The following SFSWAP variants were observed in gnomAD, a reference collection of about 807,000 sequenced individuals.
The protein encoded by SFSWAP is splicing factor SWAP.
A neutral mutation model predicts 100.7 loss-of-function variants in SFSWAP; 17 were observed. The observed-to-expected ratio is 0.17, with a 90% CI of 0.12 to 0.25. The LOEUF is 0.25. Ranked by LOEUF, SFSWAP falls within the 10% of genes least tolerant of loss-of-function variation. The probability of loss-of-function intolerance (pLI) is 1.00; values close to 1 mark genes in which losing one functional copy is unlikely to be tolerated. For synonymous variants in SFSWAP, 504 were observed against 510.1 expected (o/e 0.99, Z 0.16); for missense variants, 1,005 against 1,262.6 (o/e 0.80, Z 3.09).
At chr12:131,728,671 C>T (rs1879218959) in intron 7 of SFSWAP, among the ~76,000 whole-genome samples, 1 of 151,312 alleles carries the variant, frequency 6.6e-6, no homozygotes. Flanking sequence ...GGAGGACCGG[C>T]AAAGGTAGCT....
At position 131,799,544 on chromosome 12, in the gene SFSWAP, C is replaced by A. The variant is rs1055787516; in HGVS notation, c.*56C>A. 1.0e-5 allele frequency: 15 copies of A among 1,494,536 alleles called. No individual in the cohort carries two copies. The highest frequency in any genetic ancestry group is 9.2e-6 in the Non-Finnish European group (10 of 1,082,982). The allele number at this position is 1,494,536 out of a possible 1,614,324, so 92.6% of individuals were successfully genotyped here. A position where few individuals can be genotyped will look rare whatever the true frequency, so the allele number is the denominator to read the frequency against. Reference sequence around the variant, plus strand: ...CTGCGTGGGCTTCTGGGCAGGCTCACGCAGACGCCGGCCACACCATCCACC... The same window carrying A: ...CTGCGTGGGCTTCTGGGCAGGCTCAAGCAGACGCCGGCCACACCATCCACC... On this transcript the variant is annotated 3_prime_UTR_variant, in exon 18 of 18. Coordinates refer to ENST00000261674, the MANE Select transcript of SFSWAP (RefSeq NM_004592.4).
At position 131,711,116 on chromosome 12, in the gene SFSWAP, G is replaced by T; in HGVS notation, c.-114G>T. The T allele has an allele frequency of 3.6e-6, 3 of 825,650 alleles. No individual in the cohort carries two copies. The highest frequency in any genetic ancestry group is 1.8e-5 in the South Asian group (1 of 55,108). The allele number at this position is 825,650 out of a possible 1,614,324, so 51.1% of individuals were successfully genotyped here. ...TTTTGTGGCCCGCTATGGCGGCGGTGTTGAGGTTGGGTACGGGATGCGGGG... is the reference window on the plus strand; with the variant it reads ...TTTTGTGGCCCGCTATGGCGGCGGTTTTGAGGTTGGGTACGGGATGCGGGG... On this transcript the variant is annotated 5_prime_UTR_variant, in exon 1 of 18. Transcript: ENST00000261674. This position sits in a 1 kb window ranked among gnomAD's most constrained non-coding sequence, Gnocchi z 4.9.
chr12:131,746,845 C>G (rs1284776687), intron 7 of SFSWAP, among the ~76,000 whole-genome samples: 1 of 152,188 alleles, frequency 6.6e-6, no homozygotes, highest in Admixed American at 6.5e-5. Flanking sequence ...TGGCTCACGC[C>G]TATAATCCCA....
intron 15 of SFSWAP, among the ~76,000 whole-genome samples, chr12:131,793,248 A>T (rs898199077): frequency 1.3e-5 from 2 of 151,276 alleles, no homozygotes. Context: ...TGCCCAGCTA[A>T]TTTTTTTTTA....
intron 7 of SFSWAP, among the ~76,000 whole-genome samples, chr12:131,746,381 C>T (rs1881103629): frequency 6.6e-6 from 1 of 152,160 alleles, no homozygotes; most frequent in South Asian, 2.1e-4. Context: ...CTTTTGATGC[C>T]TCATTTGCTG....
intron 7 of SFSWAP, among the ~76,000 whole-genome samples, chr12:131,738,301 A>C (rs1880235085): frequency 6.6e-6 from 1 of 152,228 alleles, no homozygotes; most frequent in Non-Finnish European, 1.5e-5. Flanking sequence ...GAAAGCAAAA[A>C]TGTTACCCAG....
intron 11 of SFSWAP, among the ~76,000 whole-genome samples, chr12:131,759,411 A>T (rs563939522): frequency 3.9e-5 from 6 of 152,324 alleles, no homozygotes; most frequent in African/African-American, 1.4e-4. Flanking sequence ...ATTAAGAAGG[A>T]TGGAAAAGTA....
Position 131,711,136 on chromosome 12 carries a change from G to T in SFSWAP, c.-94G>T. 1.9e-6 allele frequency: 2 copies of T among 1,027,110 alleles called. No homozygotes were observed. Among genetic ancestry groups the T allele is most frequent in the Non-Finnish European group, 2.8e-6 (2 of 723,440 alleles). 63.6% of individuals were successfully genotyped at this position (1,027,110 alleles called of 1,614,324 possible). A position where few individuals can be genotyped will look rare whatever the true frequency, so the allele number is the denominator to read the frequency against. Reference sequence around the variant, plus strand: ...GCGGTGTTGAGGTTGGGTACGGGATGCGGGGTCTTTGACTGAAGGGGTAGG... The same window carrying T: ...GCGGTGTTGAGGTTGGGTACGGGATTCGGGGTCTTTGACTGAAGGGGTAGG... On this transcript the variant is annotated 5_prime_UTR_variant, in exon 1 of 18. An upstream start codon of the reference 5' UTR is lost. Transcript: ENST00000261674. This position sits in a 1 kb window ranked among gnomAD's most constrained non-coding sequence, Gnocchi z 4.9.
chr12:131,711,976 A>G lies in SFSWAP; in HGVS notation c.218+529A>G, dbSNP rs1279059574. 6.5e-6 allele frequency: 1 copy of G among 153,472 alleles called. No individual in the cohort carries two copies. Among genetic ancestry groups the G allele is most frequent in the African/African-American group, 2.4e-5 (1 of 41,432 alleles). The allele number at this position is 153,472 out of a possible 1,614,324, so 9.5% of individuals were successfully genotyped here. ...GTTAGCCTTAACCTGTTATGCCCCC[A>G]GAGCCCTCAGTGGAGCGCCCGTACT... On this transcript the variant is annotated intron_variant, in intron 1 of 17. Coordinates refer to ENST00000261674, the MANE Select transcript of SFSWAP (RefSeq NM_004592.4). The surrounding 1 kb of genome is among the most constrained non-coding windows in gnomAD (Gnocchi z 4.9).
At chr12:131,716,699 C>G (rs1456278247) in intron 3 of SFSWAP, among the ~76,000 whole-genome samples, 1 of 152,204 alleles carries the variant, frequency 6.6e-6, no homozygotes, top group Non-Finnish European at 1.5e-5. Context: ...GCCACTTTCG[C>G]ACTTCAGCAA....
rs12578498 is a variant in SFSWAP at position 131,753,217 on chromosome 12, C to T, written c.1176C>T (p.Tyr392=). The part of the protein sequence containing the change: ...PPPPGIDVTT[Y]YSTLPAGVTV... The stretch of plus-strand genomic sequence containing the variant: ...CTCCCGGAATCGACGTGACTACTTA[C>T]TACAGCACCCTTCCTGCTGGCGTGA... Residue 392 remains tyrosine (Y), a synonymous_variant, in exon 8 of 18, where the codon TAC becomes TAT. Coordinates refer to ENST00000261674, the MANE Select transcript of SFSWAP (RefSeq NM_004592.4). 61 of 1,614,100 alleles carry T rather than the reference C, an allele frequency of 3.8e-5. No individual in the cohort carries two copies. Among genetic ancestry groups the T allele is most frequent in the Non-Finnish European group, 1.9e-5 (22 of 1,180,036 alleles).
intron 7 of SFSWAP, among the ~76,000 whole-genome samples, chr12:131,745,731 T>C (rs1185387513): frequency 6.7e-6 from 1 of 149,810 alleles, no homozygotes; most frequent in African/African-American, 2.5e-5. Flanking sequence ...CATCTTCAGA[T>C]GGTAATGAAA....
chr12:131,767,146 G>A (rs1329567601), intron 13 of SFSWAP, among the ~76,000 whole-genome samples: 1 of 135,840 alleles, frequency 7.4e-6, no homozygotes, highest in Non-Finnish European at 1.6e-5. Flanking sequence ...TCCCATGCGT[G>A]TCCGAGACCA....
At chr12:131,799,208 C>G (rs368631896) in intron 17 of SFSWAP, 99 bp downstream of exon 17, 14 of 1,118,900 alleles carry the variant, frequency 1.3e-5, no homozygotes, top group Middle Eastern at 4.6e-4. Context: ...CTGTCCCTGT[C>G]ATGGGACAGG....
intron 11 of SFSWAP, among the ~76,000 whole-genome samples, chr12:131,759,877 C>T (rs1157480050): frequency 1.3e-5 from 2 of 151,966 alleles, no homozygotes; most frequent in East Asian, 1.9e-4. Flanking sequence ...CCCAGCATGT[C>T]ACAAAATGAG....
intron 3 of SFSWAP, among the ~76,000 whole-genome samples, chr12:131,718,027 G>T (rs998529595): frequency 6.6e-6 from 1 of 152,162 alleles, no homozygotes; most frequent in Non-Finnish European, 1.5e-5. Context: ...CACCACACCC[G>T]GTTACAGGTG....
intron 10 of SFSWAP, 107 bp downstream of exon 10, chr12:131,755,586 A>C (rs998512204): frequency 1.5e-5 from 11 of 729,106 alleles, no homozygotes; most frequent in Non-Finnish European, 2.6e-5. Context: ...GGGCTGGGTG[A>C]TTCTTCACCT....
At chr12:131,790,590 T>A (rs1593193730) in intron 15 of SFSWAP, among the ~76,000 whole-genome samples, 1 of 152,030 alleles carries the variant, frequency 6.6e-6, no homozygotes. Flanking sequence ...AGCCTAGGAG[T>A]TCACATCCAG....
intron 16 of SFSWAP, 56 bp from the exon 17 acceptor site, chr12:131,798,981 C>A: frequency 1.5e-6 from 2 of 1,376,578 alleles, no homozygotes; most frequent in Non-Finnish European, 2.1e-6. Context: ...GTTCACTGGC[C>A]TTGGCTCAGC....
Sources: allele counts gnomAD v4.1 joint callset (sites outside exome capture counted in the v4.1 genomes callset), GRCh38; gene constraint gnomAD v4.1.1; non-coding constraint Gnocchi (gnomAD v3.1); transcripts MANE v1.5; gene names NCBI Gene and HGNC (gene_info 2026-07-23, HGNC 2026-07-21).